ANO10: variants seen among roughly 807,000 people sequenced by gnomAD.
ANO10 encodes the protein anoctamin-10.
Under a neutral mutation model 74.7 loss-of-function variants are expected in ANO10, and 77 were observed. The observed-to-expected ratio is 1.03, with a 90% CI of 0.86 to 1.25. The LOEUF is 1.25. ANO10 is among the 50% of genes most tolerant of loss of function. ANO10 has a pLI of 0.00. For synonymous variants in ANO10, 279 were observed against 284.9 expected, an observed-to-expected ratio of 0.98 and a Z score of 0.21; for missense variants, 721 against 778.1, an observed-to-expected ratio of 0.93 and a Z score of 0.87.
intron 3 of ANO10, 93 bp from the exon 4 acceptor site, chr3:43,598,759 A>G (rs2082206052): frequency 9.8e-7 from 1 of 1,022,224 alleles, no homozygotes; most frequent in African/African-American, 1.6e-5. Context: ...TATAAACAAT[A>G]AGCAATTAAC....
intron 12 of ANO10, among the ~76,000 whole-genome samples, chr3:43,413,086 T>C (rs757099037): frequency 2.6e-5 from 4 of 152,154 alleles, no homozygotes; most frequent in African/African-American, 4.8e-5. Context: ...ACAATCTCTA[T>C]GTGGCAGGAA....
At chr3:43,432,527 A>G in intron 12 of ANO10, 84 bp downstream of exon 12, 2 of 1,256,110 alleles carry the variant, frequency 1.6e-6, no homozygotes, top group South Asian at 2.4e-5. Context: ...AAGGCTGAAA[A>G]AAATGCTGAG....
intron 12 of ANO10, among the ~76,000 whole-genome samples, chr3:43,423,948 C>CT (rs2092858951): frequency 6.6e-6 from 1 of 152,182 alleles, no homozygotes; most frequent in South Asian, 2.1e-4. Context: ...AATTCTGACT[C>CT]TCCAGGCAAA....
Position 43,633,740 on chromosome 3 carries a change from C to G in ANO10, c.-11-27877G>C, listed in dbSNP as rs1205427178. On this transcript the variant is annotated intron_variant, in intron 1 of 3. Transcript: ENST00000413397. ...ATGGTTGTTGACAGAAGACACAAGA[C>G]TCCTGGGTCAGAGACAAAGGACATT... is the stretch of plus-strand genomic sequence containing the variant. Among the ~76,000 whole-genome samples the G allele has an allele frequency of 2.0e-5, 3 of 152,134 alleles. No homozygotes were observed. The East Asian group carries it at 5.8e-4, about 29-fold the overall frequency.
At chr3:43,543,563 T>C (rs1466345227) in intron 11 of ANO10, among the ~76,000 whole-genome samples, 5 of 152,086 alleles carry the variant, frequency 3.3e-5, no homozygotes, top group African/African-American at 4.8e-5. Context: ...AATTTTTTTG[T>C]ATTTTTAGTA....
chr3:43,468,246 A>G (rs934902242), intron 11 of ANO10, among the ~76,000 whole-genome samples: 2 of 152,350 alleles, frequency 1.3e-5, no homozygotes, highest in African/African-American at 4.8e-5. Context: ...CTACTCTACA[A>G]GTTGGTTTCA....
chr3:43,674,375 C>T (rs929625101), intron 1 of ANO10, among the ~76,000 whole-genome samples: 2 of 152,088 alleles, frequency 1.3e-5, no homozygotes, highest in Non-Finnish European at 2.9e-5. Flanking sequence ...GTCTGAAACT[C>T]CTAGCCTCAA....
intron 1 of ANO10, among the ~76,000 whole-genome samples, chr3:43,629,095 C>T (rs534115277): frequency 7.6e-4 from 116 of 152,252 alleles, no homozygotes; most frequent in African/African-American, 2.6e-3. Context: ...ACGGAACCTA[C>T]CAACATGTGA....
intron 12 of ANO10, among the ~76,000 whole-genome samples, chr3:43,383,596 T>C (rs576789667): frequency 6.6e-6 from 1 of 152,220 alleles, no homozygotes; most frequent in African/African-American, 2.4e-5. Context: ...CCTGGTTTCA[T>C]ACCTGGGATG....
chr3:43,642,105 A>C (rs544342327), intron 1 of ANO10, among the ~76,000 whole-genome samples: 1 of 152,338 alleles, frequency 6.6e-6, no homozygotes, highest in South Asian at 2.1e-4. Flanking sequence ...TAATTGACAC[A>C]AGGGTATCAT....
At chr3:43,492,882 T>G (rs1182751218) in intron 11 of ANO10, among the ~76,000 whole-genome samples, 2 of 152,326 alleles carry the variant, frequency 1.3e-5, no homozygotes, top group East Asian at 3.9e-4. Flanking sequence ...AGTGTGGCGA[T>G]TCCTCAAGGA....
intron 1 of ANO10, among the ~76,000 whole-genome samples, chr3:43,661,417 G>C (rs1259596418): frequency 1.3e-5 from 2 of 152,172 alleles, no homozygotes; most frequent in Non-Finnish European, 2.9e-5. Context: ...ACTAAACATG[G>C]ATAGGAACAA....
intron 1 of ANO10, among the ~76,000 whole-genome samples, chr3:43,619,174 G>T (rs1231744669): frequency 6.6e-6 from 1 of 152,184 alleles, no homozygotes; most frequent in East Asian, 1.9e-4. Flanking sequence ...CCTTCTAAGG[G>T]ATAGGTTTTG....
intron 1 of ANO10, among the ~76,000 whole-genome samples, chr3:43,613,640 T>G (rs1052286090): frequency 2.0e-5 from 3 of 152,236 alleles, no homozygotes; most frequent in African/African-American, 7.2e-5. Context: ...TTTGTGGTAT[T>G]CTTTTAACTC....
chr3:43,659,549 C>T (rs1172937197), intron 1 of ANO10, among the ~76,000 whole-genome samples: 1 of 152,214 alleles, frequency 6.6e-6, no homozygotes, highest in Non-Finnish European at 1.5e-5. Flanking sequence ...GTTCTATGCT[C>T]ACATTGTAAA....
At chr3:43,482,926 AG>A (rs1443088195) in intron 11 of ANO10, among the ~76,000 whole-genome samples, 1 of 152,170 alleles carries the variant, frequency 6.6e-6, no homozygotes, top group Non-Finnish European at 1.5e-5. Context: ...CAGTCAGCTG[AG>A]GGAGGAGGGC....
intron 12 of ANO10, among the ~76,000 whole-genome samples, chr3:43,413,862 C>T (rs963751843): frequency 1.3e-5 from 2 of 151,350 alleles, no homozygotes; most frequent in African/African-American, 4.9e-5. Flanking sequence ...TCTCACAGGC[C>T]CCACCACAGT....
intron 9 of ANO10, among the ~76,000 whole-genome samples, chr3:43,560,476 A>ATC (rs1194348851): frequency 6.6e-6 from 1 of 152,224 alleles, no homozygotes; most frequent in Non-Finnish European, 1.5e-5. Context: ...AGACTATGAA[A>ATC]GTTTCACAAT....
chr3:43,574,862 T>G lies in ANO10; in HGVS notation c.1165A>C (p.Asn389His), dbSNP rs933975114. The G allele has an allele frequency of 1.2e-6, 2 of 1,613,614 alleles. No individual in the cohort carries two copies. Among genetic ancestry groups the G allele is most frequent in the African/African-American group, 2.7e-5 (2 of 74,900 alleles). Residue 389 changes from asparagine to histidine, a missense_variant and splice_region_variant, in exon 7 of 13, where the codon AAT becomes CAT. Asn to His is a moderately conservative substitution (Grantham distance 68, BLOSUM62 1). Transcript: ENST00000292246. Reference protein sequence around the residue: ...YAAEFLTSWENHRLESAYQNH... With the variant: ...YAAEFLTSWEHHRLESAYQNH... ...TGATAGGCAGATTCCAATCTGTGAT[T>G]CTCTAAAACATTAAAACACACAGGT...
Sources: allele counts gnomAD v4.1 joint callset (sites outside exome capture counted in the v4.1 genomes callset), GRCh38; gene constraint gnomAD v4.1.1; transcripts MANE v1.5; gene names NCBI Gene and HGNC (gene_info 2026-07-23, HGNC 2026-07-21).